Variants in PPP1R21 observed in about 807,000 individuals in gnomAD.
The protein encoded by PPP1R21 is protein phosphatase 1 regulatory subunit 21.
A neutral mutation model predicts 112.8 loss-of-function variants in PPP1R21; 85 were observed. The observed-to-expected ratio is 0.75, with a 90% CI of 0.63 to 0.90. The LOEUF (loss-of-function observed/expected upper bound fraction) is 0.90, where lower values mean the gene tolerates loss of function less well. Among genes scored for constraint, PPP1R21 ranks in the 40% least tolerant of loss-of-function variants. The pLI, the probability that PPP1R21 is intolerant of heterozygous loss-of-function variation, is 0.00. For missense variants in PPP1R21, 1,199 were observed against 901.5 expected, an observed-to-expected ratio of 1.33 and a Z score of -4.23; for synonymous variants, 381 against 322.3, an observed-to-expected ratio of 1.18 and a Z score of -1.95.
intron 1 of PPP1R21, among the ~76,000 whole-genome samples, chr2:48,450,628 G>T (rs763817246): frequency 3.3e-5 from 5 of 152,028 alleles, no homozygotes; most frequent in Non-Finnish European, 5.9e-5. Flanking sequence ...ACAAATGAAT[G>T]GTGTGTCAGA....
At chr2:48,499,130 G>GGT (rs1028813515) in intron 17 of PPP1R21, among the ~76,000 whole-genome samples, 1 of 147,392 alleles carries the variant, frequency 6.8e-6, no homozygotes, top group African/African-American at 2.5e-5. Context: ...GGATATTGGG[G>GGT]GTGGGGGGGG....
chr2:48,498,925 G>T (rs1227412716), intron 17 of PPP1R21, among the ~76,000 whole-genome samples, 190 bp downstream of exon 17: 1 of 152,186 alleles, frequency 6.6e-6, no homozygotes, highest in Non-Finnish European at 1.5e-5. Flanking sequence ...GGATTAAGGT[G>T]CTGGGAGATT....
intron 15 of PPP1R21, among the ~76,000 whole-genome samples, chr2:48,493,060 A>G (rs1285837017): frequency 1.2e-4 from 14 of 119,652 alleles, no homozygotes; most frequent in African/African-American, 4.7e-4. Flanking sequence ...ACTATCGCCC[A>G]GGCTGGAGTG....
At chr2:48,498,439 A>G (rs1002830656) in intron 16 of PPP1R21, 54 bp from the exon 17 acceptor site, 9 of 1,590,498 alleles carry the variant, frequency 5.7e-6, no homozygotes, top group Admixed American at 1.7e-5. Flanking sequence ...TTTTTGGGCC[A>G]CTAAGGTTTA....
intron 19 of PPP1R21, among the ~76,000 whole-genome samples, chr2:48,508,976 G>A (rs1034310162): frequency 2.0e-4 from 31 of 152,278 alleles, no homozygotes; most frequent in Non-Finnish European, 1.0e-4. Flanking sequence ...TTACTGCTCT[G>A]AGCGCCTTAT....
intron 9 of PPP1R21, among the ~76,000 whole-genome samples, chr2:48,467,655 C>A (rs543432431): frequency 6.6e-6 from 1 of 152,180 alleles, no homozygotes. Flanking sequence ...TCATAGTGAG[C>A]GATCTAAGAG....
chr2:48,471,032 T>C (rs1197340084), intron 9 of PPP1R21, 55 bp from the exon 10 acceptor site: 93 of 1,209,648 alleles, frequency 7.7e-5, no homozygotes, highest in Non-Finnish European at 1.1e-4. Flanking sequence ...TAGAAATGTG[T>C]TGATGTTTGT....
chr2:48,473,631 A>G (rs1668619055), intron 11 of PPP1R21, among the ~76,000 whole-genome samples: 1 of 152,210 alleles, frequency 6.6e-6, no homozygotes, highest in African/African-American at 2.4e-5. Context: ...TTAGTAGTAA[A>G]TGGGCTTAGA....
intron 12 of PPP1R21, chr2:48,479,518 C>G (rs1415771052): frequency 8.4e-6 from 4 of 475,946 alleles, no homozygotes; most frequent in Admixed American, 7.0e-5. Flanking sequence ...CAGAGCTCCT[C>G]ACGCTGACAT....
chr2:48,511,421 T>C lies in PPP1R21; in HGVS notation c.2266T>C (p.Leu756=). Reference sequence around the variant, plus strand: ...CCACCTGTGCAGCATGAATGAGACATTATCTAAACAGAGAGAAGAGATTGA... The same window carrying C: ...CCACCTGTGCAGCATGAATGAGACACTATCTAAACAGAGAGAAGAGATTGA... The part of the protein sequence containing the change: ...SDHLCSMNET[L]SKQREEIDTL... Residue 756 remains leucine (L), a synonymous_variant, in exon 21 of 22, where the codon TTA becomes CTA. Coordinates refer to ENST00000294952, the MANE Select transcript of PPP1R21 (RefSeq NM_001135629.3). 1 of 1,614,072 alleles carries C rather than the reference T, an allele frequency of 6.2e-7. No homozygotes were observed. The highest frequency in any genetic ancestry group is 8.5e-7 in the Non-Finnish European group (1 of 1,180,000).
intron 1 of PPP1R21, among the ~76,000 whole-genome samples, chr2:48,447,370 A>G (rs988443529): frequency 6.6e-6 from 1 of 152,184 alleles, no homozygotes; most frequent in Non-Finnish European, 1.5e-5. Flanking sequence ...ATTTAAAAGG[A>G]TTAAGAGGGA....
At chr2:48,487,170 G>C (rs77008296) in intron 14 of PPP1R21, among the ~76,000 whole-genome samples, 14,451 of 152,102 alleles carry the variant, frequency 0.095, 761 homozygotes, top group Non-Finnish European at 0.11. Flanking sequence ...AATATAGATC[G>C]TTGTGTATAT....
At chr2:48,465,679 A>C in intron 9 of PPP1R21, 37 bp downstream of exon 9, 1 of 1,584,360 alleles carries the variant, frequency 6.3e-7, no homozygotes, top group Middle Eastern at 1.7e-4. Flanking sequence ...TTTGCCCTGA[A>C]CAAAATAGGG....
chr2:48,446,027 C>T (rs1252830211), intron 1 of PPP1R21, among the ~76,000 whole-genome samples: 1 of 152,116 alleles, frequency 6.6e-6, no homozygotes, highest in Non-Finnish European at 1.5e-5. Context: ...TTGTCTTGCA[C>T]ACGTCACTTT....
chr2:48,510,659 TTAGGCAGCAGAAGAGAGC>T, intron 20 of PPP1R21, among the ~76,000 whole-genome samples: 1 of 152,320 alleles, frequency 6.6e-6, no homozygotes, highest in East Asian at 1.9e-4. Flanking sequence ...GGATTAGATT[TTAGGCAGCAGAAGAGAGC>T]ATGAGAAATG....
intron 19 of PPP1R21, among the ~76,000 whole-genome samples, chr2:48,507,816 A>C (rs1300570163): frequency 8.6e-6 from 1 of 115,828 alleles, no homozygotes; most frequent in African/African-American, 3.5e-5. Flanking sequence ...CTCAGGCTAC[A>C]GTGCAGTGGC....
intron 7 of PPP1R21, among the ~76,000 whole-genome samples, chr2:48,463,110 C>T (rs1264594028): frequency 6.6e-6 from 1 of 152,112 alleles, no homozygotes; most frequent in Non-Finnish European, 1.5e-5. Flanking sequence ...CTGATGTATG[C>T]CTTTCTAAAT....
chr2:48,469,004 C>T (rs964959408), intron 9 of PPP1R21, among the ~76,000 whole-genome samples: 8 of 151,878 alleles, frequency 5.3e-5, no homozygotes, highest in East Asian at 1.9e-4. Flanking sequence ...TCAGAATCAT[C>T]GCGGGAGGCA....
chr2:48,451,369 G>T (rs1371364912), intron 2 of PPP1R21, among the ~76,000 whole-genome samples: 1 of 152,186 alleles, frequency 6.6e-6, no homozygotes, highest in Non-Finnish European at 1.5e-5. Context: ...GATTATTAAG[G>T]CTTCTTATCA....
Sources: gnomAD v4.1 joint callset for allele counts (sites outside exome capture counted in the v4.1 genomes callset) on GRCh38, gnomAD v4.1.1 for gene constraint, MANE v1.5 for transcripts, NCBI Gene and HGNC (gene_info 2026-07-23, HGNC 2026-07-21) for gene names.